The following TP63 variants were observed in gnomAD, a reference collection of about 807,000 sequenced individuals.
The protein encoded by TP63 is tumor protein 63.
A neutral mutation model predicts 82.8 loss-of-function variants in TP63; 17 were observed. The observed-to-expected ratio is 0.21, with a 90% CI of 0.14 to 0.31. TP63 has a LOEUF of 0.31. Ranked by LOEUF, TP63 falls within the 10% of genes least tolerant of loss-of-function variation. The pLI is 1.00. For synonymous variants in TP63, 330 were observed against 321.7 expected (o/e 1.03, Z -0.28); for missense variants, 648 against 895.3 (o/e 0.72, Z 3.52).
intron 4 of TP63, among the ~76,000 whole-genome samples, chr3:189,856,719 G>A (rs1340467735): frequency 6.6e-6 from 1 of 151,914 alleles, no homozygotes; most frequent in East Asian, 1.9e-4. Flanking sequence ...ACATGACATA[G>A]TATAAAACGC....
rs951837773 is a variant in TP63, at chr3:189,657,910, G to A, written c.62+26333G>A. ...CCTTGATTCTAGGACTGGTACAGAA[G>A]CAAGGACACCTAAGTAGTTACAAGC... is the stretch of plus-strand genomic sequence containing the variant. On this transcript the variant is annotated intron_variant, in intron 1 of 13. Transcript: ENST00000264731. Among the ~76,000 whole-genome samples the A allele has an allele frequency of 3.3e-5, 5 of 152,182 alleles. No homozygotes were observed. The East Asian group carries it at 9.7e-4, about 29-fold the overall frequency.
intron 3 of TP63, among the ~76,000 whole-genome samples, chr3:189,800,042 A>G (rs1241182941): frequency 6.6e-6 from 1 of 152,124 alleles, no homozygotes; most frequent in Non-Finnish European, 1.5e-5. Flanking sequence ...CATATAGTTA[A>G]TTTCTATTAT....
chr3:189,881,545 A>G, intron 10 of TP63: 1 of 983,680 alleles, frequency 1.0e-6, no homozygotes, highest in Non-Finnish European at 1.2e-6. Context: ...TCCACTAAAT[A>G]CTAGAATATT....
intron 3 of TP63, among the ~76,000 whole-genome samples, chr3:189,750,629 G>A (rs1211069622): frequency 6.6e-6 from 1 of 151,900 alleles, no homozygotes; most frequent in African/African-American, 2.4e-5. Context: ...AAATATTGAG[G>A]ATCCAAAAAG....
At chr3:189,675,955 C>T (rs551667625) in intron 1 of TP63, among the ~76,000 whole-genome samples, 87 of 152,060 alleles carry the variant, frequency 5.7e-4, no homozygotes, top group African/African-American at 2.0e-3. Flanking sequence ...CACACACATT[C>T]ATTAAAAAGA....
chr3:189,893,841 C>G (rs1450893470), intron 13 of TP63, among the ~76,000 whole-genome samples: 1 of 152,140 alleles, frequency 6.6e-6, no homozygotes, highest in Non-Finnish European at 1.5e-5. Flanking sequence ...TGGTGACATT[C>G]CATTAATACC....
intron 1 of TP63, among the ~76,000 whole-genome samples, chr3:189,633,423 C>G (rs1345511367): frequency 1.3e-5 from 2 of 152,000 alleles, no homozygotes; most frequent in Admixed American, 1.3e-4. Context: ...TTGTTCCCCT[C>G]TATGTGTCCA....
chr3:189,773,913 G>A (rs1006635854), intron 3 of TP63, among the ~76,000 whole-genome samples: 6 of 133,354 alleles, frequency 4.5e-5, no homozygotes, highest in African/African-American at 1.6e-4. Flanking sequence ...TGTGTCTCGT[G>A]CCTTTTTTTT....
intron 1 of TP63, among the ~76,000 whole-genome samples, chr3:189,674,450 A>G (rs1192487446): frequency 6.6e-6 from 1 of 152,116 alleles, no homozygotes; most frequent in East Asian, 1.9e-4. Context: ...AGGGGAGCAA[A>G]CAAAGTAAGA....
At chr3:189,680,807 A>C (rs1006491296) in intron 1 of TP63, among the ~76,000 whole-genome samples, 12 of 152,104 alleles carry the variant, frequency 7.9e-5, no homozygotes, top group Non-Finnish European at 1.5e-4. Flanking sequence ...GCCTAGGTAC[A>C]AGGGGTCCAT....
chr3:189,894,120 C>A, intron 13 of TP63, 86 bp from the exon 14 acceptor site: 3 of 1,510,856 alleles, frequency 2.0e-6, no homozygotes, highest in South Asian at 1.2e-5. Context: ...TAAACCAGAG[C>A]ATCAGGGAAT....
intron 13 of TP63, among the ~76,000 whole-genome samples, chr3:189,892,712 A>G (rs181039982): frequency 1.3e-5 from 2 of 152,288 alleles, no homozygotes; most frequent in East Asian, 3.9e-4. Context: ...AAATGGCGTG[A>G]ACTTGGGAGG....
At chr3:189,890,681 G>A in intron 12 of TP63, 108 bp from the exon 13 acceptor site, 1 of 867,028 alleles carries the variant, frequency 1.2e-6, no homozygotes, top group Non-Finnish European at 1.9e-6. Context: ...TCTCTGATGT[G>A]GGGCATCCAA....
intron 3 of TP63, among the ~76,000 whole-genome samples, chr3:189,801,842 A>G (rs1269523308): frequency 6.6e-6 from 1 of 152,190 alleles, no homozygotes; most frequent in East Asian, 1.9e-4. Flanking sequence ...TTATTCTTAT[A>G]TTTTGTTCTT....
At chr3:189,876,683 G>A (rs978478110) in intron 10 of TP63, among the ~76,000 whole-genome samples, 3 of 152,094 alleles carry the variant, frequency 2.0e-5, no homozygotes, top group African/African-American at 7.2e-5. Flanking sequence ...ATATACATGG[G>A]TCTCCAGTGA....
chr3:189,693,095 A>G (rs922040231), intron 1 of TP63, among the ~76,000 whole-genome samples: 2 of 152,186 alleles, frequency 1.3e-5, no homozygotes, highest in Non-Finnish European at 2.9e-5. Flanking sequence ...CCTTTGGCTT[A>G]TATCTTATCT....
chr3:189,724,436 A>G (rs1163516010), intron 1 of TP63, among the ~76,000 whole-genome samples: 1 of 152,134 alleles, frequency 6.6e-6, no homozygotes, highest in Non-Finnish European at 1.5e-5. Context: ...CCCAAGTAGT[A>G]TACACTGAAC....
In TP63 at chr3:189,727,478, C is replaced by A. The variant is rs75182346; in HGVS notation, c.63-10262C>A. Among the ~76,000 whole-genome samples, 1,175 of 152,310 alleles carry A rather than the reference C, an allele frequency of 7.7e-3. 15 individuals carry two copies. Among genetic ancestry groups the A allele is most frequent in the African/African-American group, 0.026 (1,065 of 41,572 alleles). On this transcript the variant is annotated intron_variant, in intron 1 of 13. Transcript: ENST00000264731. ...AGATGCTCGGCTGAGGTTGCAAGAT[C>A]ACTGTTAATAAGTTAAGAGTTTGGA...
intron 3 of TP63, among the ~76,000 whole-genome samples, chr3:189,775,310 C>CAGCA (rs1723711914): frequency 6.6e-6 from 1 of 151,880 alleles, no homozygotes; most frequent in African/African-American, 2.4e-5. Context: ...TTACTGAGTC[C>CAGCA]ACTGTGTTAA....
Sources: gnomAD v4.1 joint callset for allele counts (sites outside exome capture counted in the v4.1 genomes callset) on GRCh38, gnomAD v4.1.1 for gene constraint, MANE v1.5 for transcripts, NCBI Gene and HGNC (gene_info 2026-07-23, HGNC 2026-07-21) for gene names.